SF3B1: variants seen among roughly 807,000 people sequenced by gnomAD.
SF3B1 encodes pre-mRNA processing 10.
A neutral mutation model predicts 153.8 loss-of-function variants in SF3B1; 12 were observed. That is an observed-to-expected ratio of 0.08 (90% CI 0.05 to 0.13). The LOEUF (loss-of-function observed/expected upper bound fraction) is 0.13. Among genes scored for constraint, SF3B1 ranks in the 10% least tolerant of loss-of-function variants. SF3B1 has a pLI of 1.00. For missense variants in SF3B1, 513 were observed against 1,606.1 expected, an observed-to-expected ratio of 0.32 and a Z score of 11.63; for synonymous variants, 498 against 525.2, an observed-to-expected ratio of 0.95 and a Z score of 0.71.
chr2:197,398,640 C>A (rs560198804), intron 20 of SF3B1, 59 bp from the exon 21 acceptor site: 9 of 1,518,904 alleles, frequency 5.9e-6, no homozygotes, highest in South Asian at 3.4e-5. Context: ...GTTCACTTTC[C>A]TTTTACTTAG....
intron 2 of SF3B1, among the ~76,000 whole-genome samples, chr2:197,421,525 C>A (rs1045189033): frequency 3.3e-5 from 5 of 152,014 alleles, no homozygotes; most frequent in Admixed American, 2.0e-4. Flanking sequence ...AATTTAACAA[C>A]CATAGAAACA....
chr2:197,426,531 A>G (rs2106019437), intron 1 of SF3B1, among the ~76,000 whole-genome samples: 1 of 152,230 alleles, frequency 6.6e-6, no homozygotes, highest in East Asian at 1.9e-4. Context: ...AAAGGACCAC[A>G]AATGCTACTT....
chr2:197,390,998 A>G lies in SF3B1; in HGVS notation c.*1305T>C, dbSNP rs1425670250. 6.6e-6 allele frequency: 1 copy of G among 152,216 alleles called. No homozygotes were observed. The highest frequency in any genetic ancestry group is 1.5e-5 in the Non-Finnish European group (1 of 68,030). 9.4% of individuals were successfully genotyped at this position (152,216 alleles called of 1,614,324 possible). On this transcript the variant is annotated 3_prime_UTR_variant, in exon 25 of 25. Transcript: ENST00000335508. ...GTAGTTATATACTAATGCTGCTTGC[A>G]GAATTTTTTTTCCCTTTAGAGTTCA...
At position 197,398,179 on chromosome 2, in the gene SF3B1, G is replaced by A. The variant is rs1574525814; in HGVS notation, c.3135-63C>T. ...TAAGAAAAGTTTTAAGGATAAATTT[G>A]CAAATTCAGTTCTAAAAACATGATT... is the stretch of plus-strand genomic sequence containing the variant. On this transcript the variant is annotated intron_variant, in intron 21 of 24. Coordinates refer to ENST00000335508, the MANE Select transcript of SF3B1 (RefSeq NM_012433.4). 9.6e-6 allele frequency: 13 copies of A among 1,348,788 alleles called. No homozygotes were observed. The Admixed American group carries it at 2.4e-4, about 25-fold the overall frequency. 83.6% of individuals were successfully genotyped at this position (1,348,788 alleles called of 1,614,324 possible).
intron 5 of SF3B1, among the ~76,000 whole-genome samples, chr2:197,417,788 G>A (rs2085174743): frequency 6.6e-6 from 1 of 151,870 alleles, no homozygotes; most frequent in African/African-American, 2.4e-5. Flanking sequence ...GCAGTTATTA[G>A]ACAAAATGGC....
chr2:197,430,310 A>G (rs1438063849), intron 1 of SF3B1, among the ~76,000 whole-genome samples: 1 of 152,228 alleles, frequency 6.6e-6, no homozygotes, highest in Non-Finnish European at 1.5e-5. Flanking sequence ...TTATGGATAA[A>G]GTGGTATGTC....
chr2:197,418,901 C>T (rs755141711), intron 4 of SF3B1: 88 of 1,594,112 alleles, frequency 5.5e-5, no homozygotes, highest in Middle Eastern at 3.3e-4. Flanking sequence ...CGTACACTTT[C>T]GTGCCTTTGT....
intron 1 of SF3B1, among the ~76,000 whole-genome samples, chr2:197,426,231 GTAGTTTC>G (rs1315354959): frequency 2.0e-5 from 3 of 151,798 alleles, no homozygotes; most frequent in African/African-American, 7.3e-5. Context: ...GTTTCTGTTT[GTAGTTTC>G]ATATTTTGAA....
Position 197,402,850 on chromosome 2 carries a change from C to T in SF3B1, c.1807-24G>A, listed in dbSNP as rs754493407. ...GCCTAAAATGTAAACAAAGAAAGGA[C>T]AGTCATGAGTTGGTAATATTAATCT... On this transcript the variant is annotated intron_variant, in intron 13 of 24. Coordinates refer to ENST00000335508, the MANE Select transcript of SF3B1 (RefSeq NM_012433.4). This position sits in a 1 kb window ranked among gnomAD's most constrained non-coding sequence, Gnocchi z 4.6. 1 of 1,612,172 alleles carries T rather than the reference C, an allele frequency of 6.2e-7. No individual in the cohort carries two copies. Among genetic ancestry groups the T allele is most frequent in the South Asian group, 1.1e-5 (1 of 91,016 alleles).
At position 197,402,933 on chromosome 2, in the gene SF3B1, A is replaced by C. The variant is rs763174563; in HGVS notation, c.1806+16T>G. Reference sequence around the variant, plus strand: ...ACAGATATAAATTTTCTTCTCTAGAAATTAAATGTAAATACCTTTGCCAAA... The same window carrying C: ...ACAGATATAAATTTTCTTCTCTAGACATTAAATGTAAATACCTTTGCCAAA... On this transcript the variant is annotated intron_variant, in intron 13 of 24. Transcript: ENST00000335508. This position sits in a 1 kb window ranked among gnomAD's most constrained non-coding sequence, Gnocchi z 4.6. 6.2e-7 allele frequency: 1 copy of C among 1,610,198 alleles called. No homozygotes were observed. The highest frequency in any genetic ancestry group is 8.5e-7 in the Non-Finnish European group (1 of 1,177,518).
In SF3B1 at chr2:197,400,997, A is replaced by G; in HGVS notation, c.2497-61T>C. ...TGCTTTTCCAAGGAAATAAAGCAAC[A>G]TCATGAAAACCAAATACTCTAAATA... On this transcript the variant is annotated intron_variant, in intron 17 of 24. Coordinates refer to ENST00000335508, the MANE Select transcript of SF3B1 (RefSeq NM_012433.4). The surrounding 1 kb of genome is among the most constrained non-coding windows in gnomAD (Gnocchi z 5.0). 1 of 1,045,884 alleles carries G rather than the reference A, an allele frequency of 9.6e-7. No homozygotes were observed. Among genetic ancestry groups the G allele is most frequent in the Non-Finnish European group, 1.4e-6 (1 of 697,438 alleles). The allele number at this position is 1,045,884 out of a possible 1,614,324, so 64.8% of individuals were successfully genotyped here.
chr2:197,403,571 T>G lies in SF3B1; in HGVS notation c.1719+14A>C. ...AACTTTAAACTATCAGAAACACTAT[T>G]AAGGAGAACAAACCTTATGCACATA... On this transcript the variant is annotated intron_variant, in intron 12 of 24. Transcript: ENST00000335508. The G allele has an allele frequency of 6.6e-7, 1 of 1,516,894 alleles. No homozygotes were observed. The highest frequency in any genetic ancestry group is 8.8e-7 in the Non-Finnish European group (1 of 1,134,226). The allele number at this position is 1,516,894 out of a possible 1,614,324, so 94.0% of individuals were successfully genotyped here. A position where few individuals can be genotyped will look rare whatever the true frequency, so the allele number is the denominator to read the frequency against.
At chr2:197,422,348 C>A (rs2085257519) in intron 2 of SF3B1, among the ~76,000 whole-genome samples, 1 of 150,868 alleles carries the variant, frequency 6.6e-6, no homozygotes, top group African/African-American at 2.4e-5. Context: ...TAGGTGGGAA[C>A]TGAACAATAA....
chr2:197,401,252 G>T lies in SF3B1; in HGVS notation c.2496+148C>A. 1.3e-6 allele frequency: 1 copy of T among 757,318 alleles called. No homozygotes were observed. The highest frequency in any genetic ancestry group is 2.2e-6 in the Non-Finnish European group (1 of 462,738). 46.9% of individuals were successfully genotyped at this position (757,318 alleles called of 1,614,324 possible). ...CCAAAATCAAAATGGAAGTTAACTG[G>T]CTGACTAAAATCCATCTCCTTTCAT... On this transcript the variant is annotated intron_variant, in intron 17 of 24. Coordinates refer to ENST00000335508, the MANE Select transcript of SF3B1 (RefSeq NM_012433.4). This position sits in a 1 kb window ranked among gnomAD's most constrained non-coding sequence, Gnocchi z 4.2.
At position 197,392,295 on chromosome 2, in the gene SF3B1, CAAT is replaced by C; in HGVS notation, c.*5_*7del. On this transcript the variant is annotated 3_prime_UTR_variant, in exon 25 of 25. Transcript: ENST00000335508. Reference sequence around the variant, plus strand: ...AGCTGTGCATTAAACACAAAATAAACAATAAAATTATAAGATATAGTCAAGTTC... The same window carrying C: ...AGCTGTGCATTAAACACAAAATAAACAAAATTATAAGATATAGTCAAGTTC... 1 of 1,071,280 alleles carries C rather than the reference CAAT, an allele frequency of 9.3e-7. No homozygotes were observed. Among genetic ancestry groups the C allele is most frequent in the Non-Finnish European group, 1.4e-6 (1 of 699,934 alleles). 66.4% of individuals were successfully genotyped at this position (1,071,280 alleles called of 1,614,324 possible).
At chr2:197,431,104 CTTTTTTTTTTTTT>C (rs558644461) in intron 1 of SF3B1, among the ~76,000 whole-genome samples, 13 of 73,658 alleles carry the variant, frequency 1.8e-4, no homozygotes, top group African/African-American at 5.2e-4. Context: ...GCCTTTTCTT[CTTTTTTTTTTTTT>C]TTTTTTTTTT....
chr2:197,427,059 A>G (rs535804748), intron 1 of SF3B1, among the ~76,000 whole-genome samples: 2 of 152,144 alleles, frequency 1.3e-5, no homozygotes, highest in Non-Finnish European at 2.9e-5. Context: ...AATTTTAACT[A>G]TTGATTTTAT....
At position 197,416,903 on chromosome 2, in the gene SF3B1, A is replaced by G. The variant is rs761530701; in HGVS notation, c.504T>C (p.Ile168=). 85 of 1,610,452 alleles carry G rather than the reference A, an allele frequency of 5.3e-5. No homozygotes were observed. Among genetic ancestry groups the G allele is most frequent in the Non-Finnish European group, 6.9e-5 (81 of 1,178,326 alleles). ...TAGCTTTTTCTGCTAGCTGTTGCCT[A>G]ATTTCTCGCTGAAAAAAACAGTGAG... ...EQHLTKEERE[I]RQQLAEKAKA... is the part of the protein sequence containing the mutation. The change falls in exon 6 of 25, where the codon ATT becomes ATC. Residue 168 remains isoleucine (I), a synonymous_variant. Transcript: ENST00000335508.
intron 11 of SF3B1, 45 bp from the exon 12 acceptor site, chr2:197,403,809 A>G: frequency 7.0e-7 from 1 of 1,422,046 alleles, no homozygotes; most frequent in Non-Finnish European, 9.4e-7. Flanking sequence ...TTTATAATCA[A>G]ACATTTTGAA....
Sources: allele counts gnomAD v4.1 joint callset (sites outside exome capture counted in the v4.1 genomes callset), GRCh38; gene constraint gnomAD v4.1.1; non-coding constraint Gnocchi (gnomAD v3.1); transcripts MANE v1.5; gene names NCBI Gene and HGNC (gene_info 2026-07-23, HGNC 2026-07-21).